KLHL24: variants seen among roughly 807,000 people sequenced by gnomAD.
The protein encoded by KLHL24 is kelch-like protein 24.
In KLHL24, 29 loss-of-function variants were observed where a neutral mutation model predicts 53.4. The observed-to-expected ratio is 0.54, with a 90% CI of 0.40 to 0.74. KLHL24 has a LOEUF of 0.74. KLHL24 is among the 30% of genes least tolerant of loss of function. The probability of loss-of-function intolerance (pLI) is 0.00; values close to 1 mark genes in which losing one functional copy is unlikely to be tolerated. For synonymous variants in KLHL24, 222 were observed against 253.7 expected, an observed-to-expected ratio of 0.88 and a Z score of 1.19; for missense variants, 504 against 744.0, an observed-to-expected ratio of 0.68 and a Z score of 3.75.
chr3:183,675,207 A>G (rs1711614435), intron 7 of KLHL24, among the ~76,000 whole-genome samples: 2 of 152,190 alleles, frequency 1.3e-5, no homozygotes, highest in Admixed American at 1.3e-4. Context: ...TTTTAAGATA[A>G]TCTTATTTGC....
chr3:183,636,673 G>A (rs1466446528), intron 1 of KLHL24: 1 of 152,354 alleles, frequency 6.6e-6, no homozygotes, highest in African/African-American at 2.4e-5. Flanking sequence ...GAGAGTTCGA[G>A]TTTTTATTGG....
At chr3:183,656,204 T>A (rs541624845) in intron 3 of KLHL24, among the ~76,000 whole-genome samples, 1 of 152,084 alleles carries the variant, frequency 6.6e-6, no homozygotes, top group Admixed American at 6.6e-5. Flanking sequence ...CCCTGGCTTA[T>A]TTTTTGTAGA....
intron 2 of KLHL24, among the ~76,000 whole-genome samples, chr3:183,648,866 G>A (rs114045718): frequency 2.0e-5 from 3 of 152,074 alleles, no homozygotes; most frequent in Non-Finnish European, 2.9e-5. Context: ...GCCGGGTGTG[G>A]TGGGTACGTG....
Position 183,664,492 on chromosome 3 carries a change from A to T in KLHL24, c.1106-429A>T, listed in dbSNP as rs574850645. ...TAAAATAATTTCACCAGCTTTGCAG[A>T]TTATTATATATATTATCCACACTGA... On this transcript the variant is annotated intron_variant, in intron 4 of 7. Coordinates refer to ENST00000242810, the MANE Select transcript of KLHL24 (RefSeq NM_017644.3). Among the ~76,000 whole-genome samples the T allele has an allele frequency of 2.6e-5, 4 of 152,250 alleles. No homozygotes were observed. In the South Asian group the frequency reaches 8.3e-4, roughly 32 times the overall value.
intron 1 of KLHL24, among the ~76,000 whole-genome samples, chr3:183,638,138 A>G (rs905758494): frequency 1.1e-4 from 17 of 152,256 alleles, no homozygotes; most frequent in Non-Finnish European, 1.3e-4. Flanking sequence ...TATTTAATGT[A>G]TCTAAATGAG....
chr3:183,664,579 TA>T lies in KLHL24; in HGVS notation c.1106-332del, dbSNP rs956562872. Among the ~76,000 whole-genome samples, 203 of 148,596 alleles carry T rather than the reference TA, an allele frequency of 1.4e-3. 1 individual carries two copies. Among genetic ancestry groups the T allele is most frequent in the African/African-American group, 4.0e-3 (163 of 40,590 alleles). ...TATGCTTTTTGAAAAATCGGTCAAT[TA>T]AAAAAAAAACCTTTAGAATAATACC... is the stretch of plus-strand genomic sequence containing the variant. On this transcript the variant is annotated intron_variant, in intron 4 of 7. Coordinates refer to ENST00000242810, the MANE Select transcript of KLHL24 (RefSeq NM_017644.3).
chr3:183,671,069 A>G lies in KLHL24; in HGVS notation c.1260A>G (p.Arg420=). The part of the protein sequence containing the change: ...YVVGGYDGQN[R]LSSVECYDSF... ...TCGGTGGCTATGATGGGCAAAACAG[A>G]CTTAGCAGCGTAGAATGTTATGATT... The change falls in exon 6 of 8, where the codon AGA becomes AGG. Residue 420 remains arginine (R), a synonymous_variant. Transcript: ENST00000242810. 6.2e-7 allele frequency: 1 copy of G among 1,614,038 alleles called. No homozygotes were observed. Among genetic ancestry groups the G allele is most frequent in the South Asian group, 1.1e-5 (1 of 91,076 alleles).
intron 1 of KLHL24, among the ~76,000 whole-genome samples, chr3:183,637,591 G>A (rs908831148): frequency 4.6e-5 from 7 of 152,128 alleles, no homozygotes; most frequent in African/African-American, 1.4e-4. Flanking sequence ...GGGTATTTGC[G>A]TTTTGTCAGA....
chr3:183,639,377 T>C (rs1715928943), intron 1 of KLHL24, among the ~76,000 whole-genome samples: 2 of 152,118 alleles, frequency 1.3e-5, no homozygotes, highest in Admixed American at 1.3e-4. Context: ...ACGCCTGTAA[T>C]CCCAGCACTT....
intron 2 of KLHL24, chr3:183,644,219 A>G (rs1340470117): frequency 6.6e-6 from 1 of 151,670 alleles, no homozygotes; most frequent in Non-Finnish European, 1.5e-5. Context: ...GGCGTCCACA[A>G]CCACGCCCAG....
intron 2 of KLHL24, among the ~76,000 whole-genome samples, chr3:183,646,644 A>G (rs748487579): frequency 6.6e-6 from 1 of 152,126 alleles, no homozygotes; most frequent in African/African-American, 2.4e-5. Context: ...TCCAGAGAAA[A>G]TCCTATCACC....
At chr3:183,675,280 A>G (rs1483921326) in intron 7 of KLHL24, among the ~76,000 whole-genome samples, 1 of 152,214 alleles carries the variant, frequency 6.6e-6, no homozygotes, top group Non-Finnish European at 1.5e-5. Context: ...ATATAAAACC[A>G]CTTTTCTAAA....
chr3:183,672,526 G>A (rs1721465998), intron 7 of KLHL24, 42 bp downstream of exon 7: 2 of 1,356,634 alleles, frequency 1.5e-6, no homozygotes, highest in Admixed American at 2.2e-5. Context: ...AAATCTAAGA[G>A]GGACCAAGTA....
Position 183,664,905 on chromosome 3 carries a change from T to C in KLHL24, c.1106-16T>C, listed in dbSNP as rs200122501. 1.9e-5 allele frequency: 28 copies of C among 1,453,086 alleles called. No homozygotes were observed. In the East Asian group the frequency reaches 5.9e-4, roughly 31 times the overall value. The allele number at this position is 1,453,086 out of a possible 1,614,324, so 90.0% of individuals were successfully genotyped here. ...TCATGATAAATTATCGTGTGTGCAT[T>C]GTTTTGCATTTCAAGGTGGAAGAAT... On this transcript the variant is annotated splice_polypyrimidine_tract_variant and intron_variant, in intron 4 of 7. Coordinates refer to ENST00000242810, the MANE Select transcript of KLHL24 (RefSeq NM_017644.3).
intron 3 of KLHL24, among the ~76,000 whole-genome samples, chr3:183,659,316 CA>C (rs1208731693): frequency 6.6e-6 from 1 of 152,094 alleles, no homozygotes; most frequent in African/African-American, 2.4e-5. Context: ...ATGGGTGGAT[CA>C]CTTGAGGTCA....
chr3:183,656,332 C>T (rs560007711), intron 3 of KLHL24, among the ~76,000 whole-genome samples: 17 of 152,194 alleles, frequency 1.1e-4, no homozygotes, highest in Non-Finnish European at 1.5e-4. Context: ...CCAAACCACC[C>T]GTAGCATTCA....
At chr3:183,665,649 G>C (rs9838515) in intron 5 of KLHL24, among the ~76,000 whole-genome samples, 50,564 of 151,464 alleles carry the variant, frequency 0.33, 9,241 homozygotes, top group African/African-American at 0.49. Context: ...ACTCAGGAGG[G>C]TGAGGCAGGA....
In KLHL24 at chr3:183,680,981, CAGAT is replaced by C. The variant is rs1712619410; in HGVS notation, c.*1699_*1702del. The C allele has an allele frequency of 6.6e-6, 1 of 152,092 alleles. No homozygotes were observed. Among genetic ancestry groups the C allele is most frequent in the African/African-American group, 2.4e-5 (1 of 41,420 alleles). The allele number at this position is 152,092 out of a possible 1,614,324, so 9.4% of individuals were successfully genotyped here. Reference sequence around the variant, plus strand: ...TCATTTTAGAATGATTCAGAGATTTCAGATAGACATTTTTTAAACTTTAATGCTT... The same window carrying C: ...TCATTTTAGAATGATTCAGAGATTTCAGACATTTTTTAAACTTTAATGCTT... On this transcript the variant is annotated 3_prime_UTR_variant, in exon 8 of 8. Transcript: ENST00000242810.
intron 7 of KLHL24, among the ~76,000 whole-genome samples, chr3:183,673,177 G>C (rs919259870): frequency 5.3e-5 from 8 of 152,102 alleles, no homozygotes; most frequent in African/African-American, 1.9e-4. Flanking sequence ...TTGCACTCCA[G>C]CCTGGGCAAC....
Sources: gnomAD v4.1 joint callset for allele counts (sites outside exome capture counted in the v4.1 genomes callset) on GRCh38, gnomAD v4.1.1 for gene constraint, MANE v1.5 for transcripts, NCBI Gene and HGNC (gene_info 2026-07-23, HGNC 2026-07-21) for gene names.